DNAJA1: variants seen among roughly 807,000 people sequenced by gnomAD.
The protein encoded by DNAJA1 is DnaJ heat shock protein family (Hsp40) member A1.
A neutral mutation model predicts 47.6 loss-of-function variants in DNAJA1; 26 were observed. The observed-to-expected ratio is 0.55, with a 90% CI of 0.40 to 0.76. The LOEUF is 0.76. Among genes scored for constraint, DNAJA1 ranks in the 30% least tolerant of loss-of-function variants. The pLI is 0.00. For synonymous variants in DNAJA1, 165 were observed against 158.4 expected, an observed-to-expected ratio of 1.04 and a Z score of -0.31; for missense variants, 315 against 485.0, an observed-to-expected ratio of 0.65 and a Z score of 3.29.
At chr9:33,037,307 T>A in intron 8 of DNAJA1, 192 bp downstream of exon 8, 1 of 366,196 alleles carries the variant, frequency 2.7e-6, no homozygotes, top group Non-Finnish European at 4.8e-6. Context: ...ACCCTGTCTC[T>A]TTAAAAAAAC....
chr9:33,026,806 CAAACAGTTT>C lies in DNAJA1; in HGVS notation c.133_141del (p.Phe45_Gln47del). 1 of 1,607,258 alleles carries C rather than the reference CAAACAGTTT, an allele frequency of 6.2e-7. No individual in the cohort carries two copies. The highest frequency in any genetic ancestry group is 1.3e-5 in the African/African-American group (1 of 74,412). On this transcript the variant is annotated splice_acceptor_variant and splice_polypyrimidine_tract_variant and coding_sequence_variant and intron_variant, in exon 3 of 9. Transcript: ENST00000330899. LOFTEE classifies it high-confidence loss of function. ...AAAATGAAATTCACTCCTCTTTTCT[CAAACAGTTT>C]AAACAGATTTCTCAAGCTTACGAAG... is the stretch of plus-strand genomic sequence containing the variant.
chr9:33,036,268 T>G (rs373386999), intron 6 of DNAJA1: 11,738 of 165,242 alleles, frequency 0.071, 607 homozygotes, highest in Non-Finnish European at 0.11. Context: ...GTGAGTTGTT[T>G]TTTTTTTTTC....
At chr9:33,038,538 C>T in intron 8 of DNAJA1, 147 bp from the exon 9 acceptor site, 1 of 672,372 alleles carries the variant, frequency 1.5e-6, no homozygotes, top group South Asian at 1.9e-5. Context: ...ATGCACTGTG[C>T]CTTTTTAGAG....
At chr9:33,034,147 T>C in intron 5 of DNAJA1, 69 bp from the exon 6 acceptor site, 1 of 1,081,586 alleles carries the variant, frequency 9.2e-7, no homozygotes, top group Non-Finnish European at 1.3e-6. Flanking sequence ...AACATCTATG[T>C]ATAGATTTTA....
chr9:33,025,590 C>T (rs1474302520), intron 1 of DNAJA1, among the ~76,000 whole-genome samples: 2 of 152,136 alleles, frequency 1.3e-5, no homozygotes, highest in Admixed American at 1.3e-4. Flanking sequence ...GAGACCTTTC[C>T]TAGACCTCCC....
At chr9:33,033,707 T>G (rs1290371979) in intron 5 of DNAJA1, among the ~76,000 whole-genome samples, 2 of 152,130 alleles carry the variant, frequency 1.3e-5, no homozygotes, top group Admixed American at 6.6e-5. Flanking sequence ...GATTATAGAT[T>G]TAAAATTTTT....
chr9:33,027,208 AGC>A (rs1838887796), intron 3 of DNAJA1, among the ~76,000 whole-genome samples: 1 of 142,670 alleles, frequency 7.0e-6, no homozygotes, highest in African/African-American at 2.7e-5. Flanking sequence ...CAGGCTGGAG[AGC>A]CATGGCGTGG....
chr9:33,034,373 G>T, intron 6 of DNAJA1, 43 bp downstream of exon 6: 5 of 1,507,592 alleles, frequency 3.3e-6, no homozygotes, highest in East Asian at 2.3e-5. Context: ...TCACATATTT[G>T]GGTTGTTGGT....
rs745410936 is a variant in DNAJA1 at position 33,026,599 on chromosome 9, C to G, written c.115C>G (p.Pro39Ala). The change falls in exon 2 of 9, where the codon CCA (proline) becomes GCA (alanine). Residue 39 changes from proline to alanine, a missense_variant. Coordinates refer to ENST00000330899, the MANE Select transcript of DNAJA1 (RefSeq NM_001539.4). The stretch of plus-strand genomic sequence containing the variant: ...TTTGAAGTACCATCCTGATAAGAAC[C>G]CAAATGAAGGAGAGAAGGTGAATAG... The part of the protein sequence containing the change: ...LALKYHPDKN[P>A]NEGEKFKQIS... The G allele has an allele frequency of 6.2e-7, 1 of 1,605,552 alleles. No individual in the cohort carries two copies. Among genetic ancestry groups the G allele is most frequent in the South Asian group, 1.1e-5 (1 of 88,900 alleles).
intron 6 of DNAJA1, 25 bp from the exon 7 acceptor site, chr9:33,036,548 AT>A (rs1564014806): frequency 2.0e-6 from 3 of 1,474,300 alleles, no homozygotes; most frequent in Non-Finnish European, 2.8e-6. Context: ...TTTGAAAAAT[AT>A]AAATATGTGT....
At chr9:33,035,915 T>TAA (rs746308808) in intron 6 of DNAJA1, among the ~76,000 whole-genome samples, 2 of 152,340 alleles carry the variant, frequency 1.3e-5, no homozygotes, top group East Asian at 3.9e-4. Flanking sequence ...AGGAAATTGT[T>TAA]AGAGTCCCTT....
intron 1 of DNAJA1, among the ~76,000 whole-genome samples, chr9:33,026,054 C>T (rs1838832699): frequency 6.6e-6 from 1 of 152,198 alleles, no homozygotes; most frequent in African/African-American, 2.4e-5. Flanking sequence ...ACTGTGTGCC[C>T]AGACGTCTTT....
At chr9:33,030,694 G>C in intron 5 of DNAJA1, 27 bp downstream of exon 5, 1 of 1,561,908 alleles carries the variant, frequency 6.4e-7, no homozygotes, top group Non-Finnish European at 8.8e-7. Context: ...TTATTCTGAA[G>C]TCTTGAATGC....
chr9:33,028,024 T>G (rs1838900569), intron 3 of DNAJA1, among the ~76,000 whole-genome samples: 1 of 54,482 alleles, frequency 1.8e-5, no homozygotes, highest in African/African-American at 9.5e-5. Flanking sequence ...GACTCTTGTC[T>G]CAAAAAAAAA....
intron 3 of DNAJA1, among the ~76,000 whole-genome samples, chr9:33,027,950 G>A (rs748233467): frequency 6.7e-6 from 1 of 149,134 alleles, no homozygotes; most frequent in South Asian, 2.1e-4. Flanking sequence ...GCTTGAACCC[G>A]GGAGGTGGAG....
Position 33,030,477 on chromosome 9 carries a change from C to G in DNAJA1, c.453C>G (p.Pro151=). The G allele has an allele frequency of 6.2e-7, 1 of 1,613,376 alleles. No individual in the cohort carries two copies. The highest frequency in any genetic ancestry group is 8.5e-7 in the Non-Finnish European group (1 of 1,179,968). Residue 151 remains proline (P), a synonymous_variant, in exon 5 of 9, where the codon CCC becomes CCG. Coordinates refer to ENST00000330899, the MANE Select transcript of DNAJA1 (RefSeq NM_001539.4). The part of the protein sequence containing the change: ...GGKKGAVECC[P]NCRGTGMQIR... ...AGAAAGGAGCAGTAGAGTGCTGTCCCAATTGCCGAGGTACTGGAATGCAAA... is the reference window on the plus strand; with the variant it reads ...AGAAAGGAGCAGTAGAGTGCTGTCCGAATTGCCGAGGTACTGGAATGCAAA...
At chr9:33,031,126 C>T (rs764486380) in intron 5 of DNAJA1, among the ~76,000 whole-genome samples, 4 of 152,204 alleles carry the variant, frequency 2.6e-5, no homozygotes, top group Non-Finnish European at 5.9e-5. Flanking sequence ...CGGAGTTTCG[C>T]TCTTGTTTCC....
At position 33,039,446 on chromosome 9, in the gene DNAJA1, T is replaced by C. The variant is rs1195562099; in HGVS notation, c.*543T>C. The C allele has an allele frequency of 6.6e-6, 1 of 151,670 alleles. No homozygotes were observed. The highest frequency in any genetic ancestry group is 1.9e-4 in the East Asian group (1 of 5,206). 9.4% of individuals were successfully genotyped at this position (151,670 alleles called of 1,614,324 possible). ...TATCCTGTGGTATCAGTGATAAAAA[T>C]GATACCTTTCTGTAGGAGGGGTTTA... On this transcript the variant is annotated 3_prime_UTR_variant, in exon 9 of 9. Coordinates refer to ENST00000330899, the MANE Select transcript of DNAJA1 (RefSeq NM_001539.4).
rs529220295 is a variant in DNAJA1 at position 33,038,134 on chromosome 9, A to G, written c.976-551A>G. 1.8e-3 allele frequency among the ~76,000 whole-genome samples: 278 copies of G among 151,760 alleles called. 1 individual carries two copies. Among genetic ancestry groups the G allele is most frequent in the Non-Finnish European group, 3.0e-3 (206 of 67,980 alleles). ...GTTCTCCTGCCTCAGCCTCCTGAGT[A>G]GCTGGGAATACAGGTGCCCGCCACC... is the stretch of plus-strand genomic sequence containing the variant. On this transcript the variant is annotated intron_variant, in intron 8 of 8. Transcript: ENST00000330899.
Sources: gnomAD v4.1 joint callset for allele counts (sites outside exome capture counted in the v4.1 genomes callset) on GRCh38, gnomAD v4.1.1 for gene constraint, MANE v1.5 for transcripts, NCBI Gene and HGNC (gene_info 2026-07-23, HGNC 2026-07-21) for gene names.